EFCAB13: variants seen among roughly 807,000 people sequenced by gnomAD.
The protein encoded by EFCAB13 is EF-hand calcium binding domain 13, also known as EF-hand calcium-binding domain-containing protein 13.
EFCAB13 carries 91 observed loss-of-function variants against 110.2 expected under a neutral mutation model. That is an observed-to-expected ratio of 0.83 (90% confidence interval 0.70 to 0.98). EFCAB13 has a LOEUF of 0.98. EFCAB13 is among the 50% of genes least tolerant of loss of function. The pLI is 0.00. For missense variants in EFCAB13, 968 were observed against 1,119.4 expected (o/e 0.86, Z 1.93); for synonymous variants, 323 against 369.9 (o/e 0.87, Z 1.45).
chr17:47,325,280 G>A (rs555285086), intron 2 of EFCAB13, among the ~76,000 whole-genome samples: 3 of 151,462 alleles, frequency 2.0e-5, no homozygotes, highest in Non-Finnish European at 2.9e-5. Flanking sequence ...CCCCACCCCC[G>A]CATCAAAGTG....
intron 24 of EFCAB13, among the ~76,000 whole-genome samples, chr17:47,438,108 C>A (rs1240454714): frequency 6.6e-6 from 1 of 152,104 alleles, no homozygotes; most frequent in East Asian, 1.9e-4. Flanking sequence ...GAAGATAGGG[C>A]CCTAATCCCT....
At chr17:47,375,074 C>T (rs1195806167) in intron 12 of EFCAB13, 108 bp downstream of exon 12, 1 of 1,197,848 alleles carries the variant, frequency 8.3e-7, no homozygotes, top group Non-Finnish European at 1.1e-6. Flanking sequence ...CCCTGGGTAA[C>T]CACCACTTCT....
chr17:47,342,696 T>C (rs1333309176), intron 6 of EFCAB13, among the ~76,000 whole-genome samples: 1 of 152,206 alleles, frequency 6.6e-6, no homozygotes, highest in Non-Finnish European at 1.5e-5. Context: ...ATGTTATCTT[T>C]TAGATATTTC....
chr17:47,350,589 G>A (rs925544847), intron 9 of EFCAB13, among the ~76,000 whole-genome samples: 8 of 149,856 alleles, frequency 5.3e-5, no homozygotes, highest in African/African-American at 2.0e-4. Context: ...CTTTGTTTGT[G>A]TGTGTGTGTG....
At chr17:47,332,778 G>A (rs559455928) in intron 4 of EFCAB13, among the ~76,000 whole-genome samples, 63 of 152,206 alleles carry the variant, frequency 4.1e-4, no homozygotes, top group South Asian at 2.3e-3. Flanking sequence ...GTATTCATTT[G>A]TATATATTCA....
rs1905310094 is a variant in EFCAB13, at chr17:47,440,927, G to A, written c.*213G>A. Reference sequence around the variant, plus strand: ...GCTTTTTGAGGTATAATGTACATATGGCAAAATTCACTCTTTTTAGGTATA... The same window carrying A: ...GCTTTTTGAGGTATAATGTACATATAGCAAAATTCACTCTTTTTAGGTATA... On this transcript the variant is annotated 3_prime_UTR_variant, in exon 25 of 25. Transcript: ENST00000331493. The A allele has an allele frequency of 2.7e-6, 1 of 370,636 alleles. No individual in the cohort carries two copies. Among genetic ancestry groups the A allele is most frequent in the Admixed American group, 4.4e-5 (1 of 22,988 alleles). The allele number at this position is 370,636 out of a possible 1,614,324, so 23.0% of individuals were successfully genotyped here.
intron 1 of EFCAB13, among the ~76,000 whole-genome samples, 170 bp from the exon 2 acceptor site, chr17:47,324,284 C>T (rs369726926): frequency 6.6e-6 from 1 of 152,054 alleles, no homozygotes; most frequent in Non-Finnish European, 1.5e-5. Context: ...GTGACTGAGA[C>T]TGATCAGGTG....
intron 16 of EFCAB13, among the ~76,000 whole-genome samples, chr17:47,394,792 A>C (rs2065728174): frequency 6.6e-6 from 1 of 152,186 alleles, no homozygotes; most frequent in African/African-American, 2.4e-5. Flanking sequence ...TCATACAGAG[A>C]AAGAGATTGT....
chr17:47,354,298 G>A (rs1173913241), intron 9 of EFCAB13, among the ~76,000 whole-genome samples: 1 of 152,060 alleles, frequency 6.6e-6, no homozygotes, highest in Admixed American at 6.5e-5. Flanking sequence ...CTACCATATG[G>A]TCTATCTTGG....
At chr17:47,438,498 C>T (rs997163559) in intron 24 of EFCAB13, among the ~76,000 whole-genome samples, 3 of 142,384 alleles carry the variant, frequency 2.1e-5, no homozygotes, top group South Asian at 2.2e-4. Flanking sequence ...TAGTCTTATT[C>T]TTTTTTTTTT....
intron 9 of EFCAB13, among the ~76,000 whole-genome samples, chr17:47,357,303 TGTGA>T (rs2065486381): frequency 6.6e-6 from 1 of 152,242 alleles, no homozygotes; most frequent in African/African-American, 2.4e-5. Context: ...AAGTTCACGA[TGTGA>T]GTGTCTACTA....
chr17:47,399,842 C>G (rs2065769583), intron 17 of EFCAB13, among the ~76,000 whole-genome samples: 1 of 152,100 alleles, frequency 6.6e-6, no homozygotes, highest in African/African-American at 2.4e-5. Context: ...TTCAGAAATA[C>G]TTCCCAAATA....
In EFCAB13 at chr17:47,440,651, A is replaced by T. The variant is rs1905303212; in HGVS notation, c.2859A>T (p.Leu953Phe). 6.2e-7 allele frequency: 1 copy of T among 1,605,676 alleles called. No homozygotes were observed. The highest frequency in any genetic ancestry group is 1.1e-5 in the South Asian group (1 of 88,772). ...NMNIKQHKIS[L>F]HNFCLNSKAN... ...ATATAAAACAACACAAGATTAGTTTACATAACTTCTGTTTGAATTCTAAGG... is the reference window on the plus strand; with the variant it reads ...ATATAAAACAACACAAGATTAGTTTTCATAACTTCTGTTTGAATTCTAAGG... Residue 953 changes from leucine (L) to phenylalanine (F), a missense_variant, in exon 25 of 25, where the codon TTA becomes TTT. Transcript: ENST00000331493.
intron 10 of EFCAB13, among the ~76,000 whole-genome samples, chr17:47,367,561 C>A (rs1226459789): frequency 6.6e-6 from 1 of 152,160 alleles, no homozygotes; most frequent in Admixed American, 6.5e-5. Flanking sequence ...ACATGCATTG[C>A]ACCCCTATTT....
At chr17:47,333,705 T>A (rs2065333145) in intron 4 of EFCAB13, among the ~76,000 whole-genome samples, 1 of 152,230 alleles carries the variant, frequency 6.6e-6, no homozygotes, top group Non-Finnish European at 1.5e-5. Flanking sequence ...TTCCCCATTG[T>A]GTGTACTTGG....
intron 23 of EFCAB13, among the ~76,000 whole-genome samples, chr17:47,424,771 A>G (rs1001178462): frequency 1.3e-5 from 2 of 151,712 alleles, no homozygotes. Flanking sequence ...CAAGGACTTC[A>G]CAGTCACAAG....
intron 14 of EFCAB13, among the ~76,000 whole-genome samples, chr17:47,381,781 T>A (rs2065648429): frequency 6.6e-6 from 1 of 152,196 alleles, no homozygotes; most frequent in Non-Finnish European, 1.5e-5. Flanking sequence ...TAGTTTTAAG[T>A]CAGGTAGCGT....
chr17:47,343,732 CAAT>C (rs1343774093), intron 6 of EFCAB13, among the ~76,000 whole-genome samples: 1 of 152,064 alleles, frequency 6.6e-6, no homozygotes, highest in African/African-American at 2.4e-5. Context: ...ATAATTTACT[CAAT>C]GATAGGGATA....
At chr17:47,326,493 A>G (rs2065286991) in intron 3 of EFCAB13, 106 bp downstream of exon 3, 2 of 152,098 alleles carry the variant, frequency 1.3e-5, no homozygotes, top group East Asian at 1.9e-4. Context: ...CCTTCATTAT[A>G]TATATACCAT....
Sources: allele counts gnomAD v4.1 joint callset (sites outside exome capture counted in the v4.1 genomes callset), GRCh38; gene constraint gnomAD v4.1.1; transcripts MANE v1.5; gene names NCBI Gene and HGNC (gene_info 2026-07-23, HGNC 2026-07-21).